FLNC: variants seen among roughly 807,000 people sequenced by gnomAD.
The protein encoded by FLNC is filamin-C.
FLNC carries 91 observed loss-of-function variants against 254.3 expected under a neutral mutation model. The ratio of observed to expected loss-of-function variants is 0.36; its 90% CI spans 0.30 to 0.43. FLNC has a LOEUF of 0.43. Ranked by LOEUF, FLNC falls within the 20% of genes least tolerant of loss-of-function variation. FLNC has a pLI of 1.00. For missense variants in FLNC, 2,853 were observed against 3,802.6 expected (o/e 0.75, Z 6.57); for synonymous variants, 1,430 against 1,577.2 (o/e 0.91, Z 2.21).
intron 24 of FLNC, 65 bp from the exon 25 acceptor site, chr7:128,847,632 G>A: frequency 6.3e-7 from 1 of 1,597,670 alleles, no homozygotes; most frequent in Admixed American, 1.7e-5. Flanking sequence ...CTCCTCCGAG[G>A]CTCCTCAGCA....
rs1313681254 is a variant in FLNC, at chr7:128,830,501, G to A, written c.-137G>A. 4.0e-6 allele frequency: 3 copies of A among 742,534 alleles called. No homozygotes were observed. Among genetic ancestry groups the A allele is most frequent in the South Asian group, 3.6e-5 (2 of 55,034 alleles). 46.0% of individuals were successfully genotyped at this position (742,534 alleles called of 1,614,324 possible). A position where few individuals can be genotyped will look rare whatever the true frequency, so the allele number is the denominator to read the frequency against. ...CGCCGAGCCTCGCCGAGCCCCGCCA[G>A]CCCCGGCGCGAGAGAAGTTGGAGAG... On this transcript the variant is annotated 5_prime_UTR_variant, in exon 1 of 48. Coordinates refer to ENST00000325888, the MANE Select transcript of FLNC (RefSeq NM_001458.5).
At chr7:128,834,530 C>T (rs1465184317) in intron 1 of FLNC, among the ~76,000 whole-genome samples, 3 of 127,266 alleles carry the variant, frequency 2.4e-5, no homozygotes, top group Non-Finnish European at 4.7e-5. Context: ...TTCTGGCATT[C>T]GGGGTAGAGT....
At position 128,835,294 on chromosome 7, in the gene FLNC, C is replaced by T. The variant is rs183363655; in HGVS notation, c.353-32C>T. Reference sequence around the variant, plus strand: ...TCTGGGGCAGTGGAGGGTGGGGCGCCCCTGAGCCCGTCTGTGCCCTCCCCT... The same window carrying T: ...TCTGGGGCAGTGGAGGGTGGGGCGCTCCTGAGCCCGTCTGTGCCCTCCCCT... On this transcript the variant is annotated intron_variant, in intron 1 of 47. Transcript: ENST00000325888. The surrounding 1 kb of genome is among the most constrained non-coding windows in gnomAD (Gnocchi z 5.3). 186 of 1,611,744 alleles carry T rather than the reference C, an allele frequency of 1.2e-4. No individual in the cohort carries two copies. The East Asian group carries it at 2.7e-3, about 24-fold the overall frequency.
At position 128,853,630 on chromosome 7, in the gene FLNC, C is replaced by G. The variant is rs747274154; in HGVS notation, c.6361+9C>G. The G allele has an allele frequency of 1.8e-5, 29 of 1,614,002 alleles. No individual in the cohort carries two copies. In the East Asian group the frequency reaches 6.2e-4, roughly 35 times the overall value. On this transcript the variant is annotated intron_variant, in intron 38 of 47. Transcript: ENST00000325888. ...TGACAAGCACGTGCCTGGTAAGGCT[C>G]TGGGCAGAGGTCGGTGGCGAGAGAC... is the stretch of plus-strand genomic sequence containing the variant.
In FLNC at chr7:128,844,731, G is replaced by A. The variant is rs1258543242; in HGVS notation, c.3266G>A (p.Gly1089Glu). 3 of 1,613,830 alleles carry A rather than the reference G, an allele frequency of 1.9e-6. No individual in the cohort carries two copies. The highest frequency in any genetic ancestry group is 2.5e-6 in the Non-Finnish European group (3 of 1,180,022). Residue 1089 changes from glycine to glutamate, a missense_variant, in exon 21 of 48, where the codon GGG (glycine) becomes GAG (glutamate). By Grantham distance (98) the Gly-to-Glu change is moderately conservative. This residue lies in a region of FLNC where 1,573 missense variants were observed against 1,883.5 expected (regional missense o/e 0.84). Coordinates refer to ENST00000325888, the MANE Select transcript of FLNC (RefSeq NM_001458.5). ...TPAPFSIDTK[G>E]AGTGGLGLTV... ...GCGCCATTCTCCATCGACACCAAGG[G>A]GGCTGGCACAGGTGGCCTGGGGCTG...
Position 128,835,490 on chromosome 7 carries a change from G to T in FLNC, c.517G>T (p.Val173Leu), listed in dbSNP as rs376235207. The T allele has an allele frequency of 7.4e-6, 12 of 1,613,676 alleles. No homozygotes were observed. In the Admixed American group the frequency reaches 8.3e-5, roughly 11 times the overall value. Residue 173 changes from valine (V) to leucine (L), a missense_variant, in exon 2 of 48, where the codon GTG becomes TTG. Transcript: ENST00000325888. The surrounding 1 kb of genome is among the most constrained non-coding windows in gnomAD (Gnocchi z 5.3). Reference sequence around the variant, plus strand: ...GCTGCTTGGCTGGATCCAGAACAAGGTGCCCCAGCTGCCCATCACCAACTT... The same window carrying T: ...GCTGCTTGGCTGGATCCAGAACAAGTTGCCCCAGCTGCCCATCACCAACTT... Reference protein sequence around the residue: ...QRLLGWIQNKVPQLPITNFNR... With the variant: ...QRLLGWIQNKLPQLPITNFNR...
Position 128,856,795 on chromosome 7 carries a change from G to A in FLNC, c.7435G>A (p.Asp2479Asn), listed in dbSNP as rs1173970601. The A allele has an allele frequency of 3.1e-6, 5 of 1,614,166 alleles. No individual in the cohort carries two copies. Among genetic ancestry groups the A allele is most frequent in the African/African-American group, 1.3e-5 (1 of 75,044 alleles). The change falls in exon 45 of 48, where the codon GAT (aspartate) becomes AAT (asparagine). Residue 2479 changes from aspartate (D) to asparagine (N), a missense_variant. Physicochemically the swap from Asp to Asn is conservative, Grantham distance 23 (BLOSUM62 1). Coordinates refer to ENST00000325888, the MANE Select transcript of FLNC (RefSeq NM_001458.5). The surrounding 1 kb of genome is among the most constrained non-coding windows in gnomAD (Gnocchi z 5.9). ...CCACGAGAATGGCGTCCACTCCATC[G>A]ATGTCAAGTTCAACGGTGCCCACAT... is the stretch of plus-strand genomic sequence containing the variant. ...IPHENGVHSI[D>N]VKFNGAHIPG... is the part of the protein sequence containing the mutation.
rs1554399057 is a variant in FLNC at position 128,844,215 on chromosome 7, G to A, written c.3141G>A (p.Val1047=). ...KVDITYDGHP[V]PGSPFAVEGV... is the part of the protein sequence containing the mutation. ...ATATCACCTACGATGGTCACCCGGT[G>A]CCTGGCAGCCCGTTTGCTGTGGAGG... Residue 1047 remains valine, a synonymous_variant, in exon 20 of 48, where the codon GTG becomes GTA. Transcript: ENST00000325888. 4 of 1,612,074 alleles carry A rather than the reference G, an allele frequency of 2.5e-6. No individual in the cohort carries two copies. The African/African-American group carries it at 5.3e-5, about 22-fold the overall frequency.
In FLNC at chr7:128,857,478, A is replaced by G. The variant is rs1431945792; in HGVS notation, c.7780+142A>G. The G allele has an allele frequency of 4.6e-6, 3 of 650,092 alleles. No individual in the cohort carries two copies. Among genetic ancestry groups the G allele is most frequent in the African/African-American group, 3.6e-5 (2 of 55,000 alleles). 40.3% of individuals were successfully genotyped at this position (650,092 alleles called of 1,614,324 possible). ...CAGGGCTAGAGGTGGGCCTGGCTCT[A>G]CACAGTACACGTTCTGTGGAGTCGG... On this transcript the variant is annotated intron_variant, in intron 46 of 47. Transcript: ENST00000325888. The surrounding 1 kb of genome is among the most constrained non-coding windows in gnomAD (Gnocchi z 4.5).
Position 128,856,931 on chromosome 7 carries a change from T to A in FLNC, c.7561+10T>A. ...GAGGGAGGCACTACCGGTGAGTGCC[T>A]GGAGCTGGGGAACAGGGTGACTTCT... On this transcript the variant is annotated intron_variant, in intron 45 of 47. Transcript: ENST00000325888. This position sits in a 1 kb window ranked among gnomAD's most constrained non-coding sequence, Gnocchi z 5.9. 1 of 1,613,232 alleles carries A rather than the reference T, an allele frequency of 6.2e-7. No individual in the cohort carries two copies. Among genetic ancestry groups the A allele is most frequent in the Non-Finnish European group, 8.5e-7 (1 of 1,179,522 alleles).
In FLNC at chr7:128,835,292, G is replaced by T; in HGVS notation, c.353-34G>T. On this transcript the variant is annotated intron_variant, in intron 1 of 47. Coordinates refer to ENST00000325888, the MANE Select transcript of FLNC (RefSeq NM_001458.5). The surrounding 1 kb of genome is among the most constrained non-coding windows in gnomAD (Gnocchi z 5.3). ...GCTCTGGGGCAGTGGAGGGTGGGGC[G>T]CCCCTGAGCCCGTCTGTGCCCTCCC... The T allele has an allele frequency of 4.3e-6, 7 of 1,611,464 alleles. No homozygotes were observed. Among genetic ancestry groups the T allele is most frequent in the Non-Finnish European group, 5.1e-6 (6 of 1,179,804 alleles).
Position 128,841,069 on chromosome 7 carries a change from G to A in FLNC, c.1813+99G>A, listed in dbSNP as rs886963701. ...AGTGCGCATGCTGGGGAGCGCTGGG[G>A]TGAGCAGGGAGATAGGACATGAGGG... On this transcript the variant is annotated intron_variant, in intron 11 of 47. Coordinates refer to ENST00000325888, the MANE Select transcript of FLNC (RefSeq NM_001458.5). This position sits in a 1 kb window ranked among gnomAD's most constrained non-coding sequence, Gnocchi z 4.3. 6.4e-7 allele frequency: 1 copy of A among 1,571,572 alleles called. No homozygotes were observed. The highest frequency in any genetic ancestry group is 8.7e-7 in the Non-Finnish European group (1 of 1,148,664).
rs777794633 is a variant in FLNC, at chr7:128,830,847, C to G, written c.210C>G (p.Leu70=). Residue 70 remains leucine, a synonymous_variant, in exon 1 of 48, where the codon CTC becomes CTG. Transcript: ENST00000325888. ...GCGACCTCAGCGACGGGCTCCGGCT[C>G]ATCGCGCTGCTCGAGGTGCTCAGCC... ...LQRDLSDGLR[L]IALLEVLSQK... The G allele has an allele frequency of 6.2e-7, 1 of 1,613,128 alleles. No homozygotes were observed.
rs771974318 is a variant in FLNC at position 128,848,004 on chromosome 7, A to G, written c.4516A>G (p.Thr1506Ala). Residue 1506 changes from threonine (T) to alanine (A), a missense_variant, in exon 26 of 48, where the codon ACC (threonine) becomes GCC (alanine). By Grantham distance (58) the Thr-to-Ala change is moderately conservative. This residue lies in a region of FLNC where 1,573 missense variants were observed against 1,883.5 expected (regional missense o/e 0.84). Coordinates refer to ENST00000325888, the MANE Select transcript of FLNC (RefSeq NM_001458.5). ...NGDGTHTVHY[T>A]PATDGPYTVA... ...AGATGGCACCCACACTGTCCACTAC[A>G]CCCCAGCCACTGACGGGCCCTACAC... 6 of 1,604,818 alleles carry G rather than the reference A, an allele frequency of 3.7e-6. No homozygotes were observed. The highest frequency in any genetic ancestry group is 4.3e-6 in the Non-Finnish European group (5 of 1,176,156).
chr7:128,846,105 C>G lies in FLNC; in HGVS notation c.3906C>G (p.Thr1302=). The change falls in exon 22 of 48, where the codon ACC becomes ACG. Residue 1302 remains threonine (T), a synonymous_variant. Coordinates refer to ENST00000325888, the MANE Select transcript of FLNC (RefSeq NM_001458.5). ...ACCCCTCGGGGGCCAAGACAGACAC[C>G]TATGTGACAGACAATGGGGACGGCA... ...VLNPSGAKTD[T]YVTDNGDGTY... The G allele has an allele frequency of 1.2e-6, 2 of 1,613,998 alleles. No individual in the cohort carries two copies. The highest frequency in any genetic ancestry group is 1.7e-6 in the Non-Finnish European group (2 of 1,180,004).
In FLNC at chr7:128,850,477, C is replaced by T; in HGVS notation, c.5392C>T (p.Leu1798Phe). ...CCCCTTCGCGGTGCAGAAAGGGGAG[C>T]TCACAGGTACTGCCCTGTGGCTCCC... The part of the protein sequence containing the change: ...VIPFAVQKGE[L>F]TGEVRMPSGK... Residue 1798 changes from leucine to phenylalanine, a missense_variant, in exon 32 of 48, where the codon CTC becomes TTC. Physicochemically the swap from Leu to Phe is conservative, Grantham distance 22. Around this residue, in one of 10 missense-constraint regions of FLNC, gnomAD observed 258 missense variants for 312.3 expected, o/e 0.83. Transcript: ENST00000325888. 1 of 1,611,780 alleles carries T rather than the reference C, an allele frequency of 6.2e-7. No homozygotes were observed. Among genetic ancestry groups the T allele is most frequent in the Non-Finnish European group, 8.5e-7 (1 of 1,178,474 alleles).
Position 128,841,010 on chromosome 7 carries a change from G to T in FLNC, c.1813+40G>T. 1.3e-6 allele frequency: 2 copies of T among 1,571,974 alleles called. No homozygotes were observed. Among genetic ancestry groups the T allele is most frequent in the Non-Finnish European group, 1.7e-6 (2 of 1,156,654 alleles). On this transcript the variant is annotated intron_variant, in intron 11 of 47. Transcript: ENST00000325888. This position sits in a 1 kb window ranked among gnomAD's most constrained non-coding sequence, Gnocchi z 4.3. ...GGCAGGAGGAGGGAGTGCTGCGGGG[G>T]AGGGCAGCAGGGGACACTGTGGGTA... is the stretch of plus-strand genomic sequence containing the variant.
In FLNC at chr7:128,854,241, C is replaced by T. The variant is rs751647518; in HGVS notation, c.6727+25C>T. 91 of 1,604,324 alleles carry T rather than the reference C, an allele frequency of 5.7e-5. 2 individuals carry two copies. The South Asian group carries it at 8.8e-4, about 15-fold the overall frequency. ...GGTGAGCACCGCACACTGGGCCGGC[C>T]GGGTCCTCACGGCGGGATGGGAGGG... is the stretch of plus-strand genomic sequence containing the variant. On this transcript the variant is annotated intron_variant, in intron 40 of 47. Transcript: ENST00000325888.
chr7:128,853,727 C>G lies in FLNC; in HGVS notation c.6374C>G (p.Thr2125Ser), dbSNP rs371455516. The change falls in exon 39 of 48, where the codon ACT (threonine) becomes AGT (serine). Residue 2125 changes from threonine (T) to serine (S), a missense_variant. Physicochemically the swap from Thr to Ser is moderately conservative, Grantham distance 58. Coordinates refer to ENST00000325888, the MANE Select transcript of FLNC (RefSeq NM_001458.5). ...GTCCCCACTTCAGGAAGCCCCTTCA[C>G]TGTGAAGGTGACCGGCGAGGGCCGC... ...ADKHVPGSPFTVKVTGEGRMK... is the reference protein window; with the variant it reads ...ADKHVPGSPFSVKVTGEGRMK... The G allele has an allele frequency of 8.7e-6, 14 of 1,613,940 alleles. No individual in the cohort carries two copies. Among genetic ancestry groups the G allele is most frequent in the Non-Finnish European group, 1.2e-5 (14 of 1,180,046 alleles).
Sources: allele counts gnomAD v4.1 joint callset (sites outside exome capture counted in the v4.1 genomes callset), GRCh38; gene constraint gnomAD v4.1.1; regional missense constraint gnomAD v4.1.1; non-coding constraint Gnocchi (gnomAD v3.1); transcripts MANE v1.5; gene names NCBI Gene and HGNC (gene_info 2026-07-23, HGNC 2026-07-21).